The following UBE2L6 variants were observed in gnomAD, a reference collection of about 807,000 sequenced individuals.
UBE2L6 encodes ubiquitin/ISG15-conjugating enzyme E2 L6.
A neutral mutation model predicts 13.6 loss-of-function variants in UBE2L6; 11 were observed. The ratio of observed to expected loss-of-function variants is 0.81; its 90% CI spans 0.51 to 1.34. UBE2L6 has a LOEUF of 1.34. Ranked by LOEUF, UBE2L6 falls within the 40% of genes most tolerant of loss-of-function variation. The probability of loss-of-function intolerance (pLI) is 0.00; values close to 1 mark genes in which losing one functional copy is unlikely to be tolerated. For synonymous variants in UBE2L6, 74 were observed against 83.2 expected (o/e 0.89, Z 0.60); for missense variants, 197 against 199.5 (o/e 0.99, Z 0.07).
At chr11:57,564,848 T>TTATGGTATATACATATACCATAGTGTA in intron 1 of UBE2L6, among the ~76,000 whole-genome samples, 1 of 151,878 alleles carries the variant, frequency 6.6e-6, no homozygotes, top group East Asian at 1.9e-4. Flanking sequence ...AACACTGTAT[T>TTATGGTATATACATATACCATAGTGTA]TATGGTATAT....
chr11:57,562,753 C>G (rs147647058), intron 1 of UBE2L6, among the ~76,000 whole-genome samples: 49 of 152,332 alleles, frequency 3.2e-4, no homozygotes, highest in African/African-American at 1.2e-3. Context: ...TAAAAGTCTG[C>G]AAGAACTACA....
At chr11:57,562,733 T>A (rs1945056764) in intron 1 of UBE2L6, among the ~76,000 whole-genome samples, 1 of 152,228 alleles carries the variant, frequency 6.6e-6, no homozygotes, top group Non-Finnish European at 1.5e-5. Flanking sequence ...ACCACAAAGG[T>A]AGTAACCTCT....
At chr11:57,564,582 C>T (rs759328436) in intron 1 of UBE2L6, among the ~76,000 whole-genome samples, 2 of 152,220 alleles carry the variant, frequency 1.3e-5, no homozygotes, top group Non-Finnish European at 2.9e-5. Context: ...GCCGGTGGAT[C>T]ACCTGAGGTC....
Position 57,552,083 on chromosome 11 carries a change from C to A in UBE2L6, c.*275G>T. 2.5e-6 allele frequency: 1 copy of A among 405,698 alleles called. No homozygotes were observed. The highest frequency in any genetic ancestry group is 4.5e-6 in the Non-Finnish European group (1 of 222,890). 25.1% of individuals were successfully genotyped at this position (405,698 alleles called of 1,614,324 possible). ...TAAGATGGAGAGCTGGAGAACTGGC[C>A]TGTAACTGCAAACTTAAACTCCCTT... On this transcript the variant is annotated 3_prime_UTR_variant, in exon 4 of 4. Transcript: ENST00000287156.
chr11:57,562,182 T>G (rs546078513), intron 1 of UBE2L6, among the ~76,000 whole-genome samples: 60 of 152,306 alleles, frequency 3.9e-4, no homozygotes, highest in African/African-American at 1.3e-3. Flanking sequence ...AGTAGTACCC[T>G]GGCAGTACTC....
rs769504863 is a variant in UBE2L6 at position 57,554,668 on chromosome 11, C to T, written c.124-45G>A. The stretch of plus-strand genomic sequence containing the variant: ...GTCAAGCTCCAGTCTGGTTTTCCTC[C>T]CTTCCTGCCCCAATCCGAGGGTCCT... On this transcript the variant is annotated intron_variant, in intron 2 of 3. Transcript: ENST00000287156. 9 of 1,608,898 alleles carry T rather than the reference C, an allele frequency of 5.6e-6. No homozygotes were observed. In the South Asian group the frequency reaches 9.9e-5, roughly 18 times the overall value.
At chr11:57,559,609 CA>C (rs1248658749) in intron 2 of UBE2L6, among the ~76,000 whole-genome samples, 17 of 141,926 alleles carry the variant, frequency 1.2e-4, no homozygotes, top group Admixed American at 2.8e-4. Context: ...GACTCTGTCT[CA>C]AAAAAAAAAA....
intron 1 of UBE2L6, among the ~76,000 whole-genome samples, chr11:57,561,449 G>A (rs768875737): frequency 3.0e-4 from 46 of 152,294 alleles, no homozygotes; most frequent in Non-Finnish European, 5.3e-4. Flanking sequence ...AAACATGGAT[G>A]TGATTATGTG....
At position 57,567,411 on chromosome 11, in the gene UBE2L6, T is replaced by A. The variant is rs1053816539; in HGVS notation, c.27+174A>T. On this transcript the variant is annotated intron_variant, in intron 1 of 3. Coordinates refer to ENST00000287156, the MANE Select transcript of UBE2L6 (RefSeq NM_004223.5). ...CCCCCAAAACCCCAGCTCTGGCCAC[T>A]CTTGCAGGCCAGTCCTCCTCTGAGT... The A allele has an allele frequency of 3.1e-6, 3 of 954,714 alleles. No individual in the cohort carries two copies. The African/African-American group carries it at 4.9e-5, about 16-fold the overall frequency. 59.1% of individuals were successfully genotyped at this position (954,714 alleles called of 1,614,324 possible).
In UBE2L6 at chr11:57,552,324, C is replaced by A; in HGVS notation, c.*34G>T. On this transcript the variant is annotated 3_prime_UTR_variant, in exon 4 of 4. Transcript: ENST00000287156. The stretch of plus-strand genomic sequence containing the variant: ...CATGAGGTGTGTCCGTCCGCTATGC[C>A]GAGGATCCAGTGCACAGAGGGTCAG... 6.2e-7 allele frequency: 1 copy of A among 1,611,894 alleles called. No homozygotes were observed. Among genetic ancestry groups the A allele is most frequent in the Middle Eastern group, 1.7e-4 (1 of 6,052 alleles).
In UBE2L6 at chr11:57,552,566, GC is replaced by G. The variant is rs550955862; in HGVS notation, c.311-58del. ...GGGCAGAGGGAAGGGAGTCATGGCT[GC>G]CCGTTCCCAATGTCCTGACACTCCA... On this transcript the variant is annotated intron_variant, in intron 3 of 3. Coordinates refer to ENST00000287156, the MANE Select transcript of UBE2L6 (RefSeq NM_004223.5). The G allele has an allele frequency of 2.7e-5, 43 of 1,601,976 alleles. 1 individual carries two copies. The South Asian group carries it at 4.3e-4, about 16-fold the overall frequency.
At chr11:57,560,152 G>A (rs1456589331) in intron 2 of UBE2L6, among the ~76,000 whole-genome samples, 185 bp downstream of exon 2, 2 of 152,206 alleles carry the variant, frequency 1.3e-5, no homozygotes, top group Non-Finnish European at 2.9e-5. Context: ...TTATCAGAAG[G>A]TGAACCTCAG....
At chr11:57,567,061 T>C (rs1222313613) in intron 1 of UBE2L6, 1 of 454,488 alleles carries the variant, frequency 2.2e-6, no homozygotes, top group East Asian at 7.0e-5. Flanking sequence ...TCCGCATCTT[T>C]TCCTCCAGAG....
In UBE2L6 at chr11:57,551,671, G is replaced by A. The variant is rs140822122; in HGVS notation, c.*687C>T. 1,928 of 152,318 alleles carry A rather than the reference G, an allele frequency of 0.013. 17 individuals carry two copies. Among genetic ancestry groups the A allele is most frequent in the Middle Eastern group, 0.027 (8 of 294 alleles). The allele number at this position is 152,318 out of a possible 1,614,324, so 9.4% of individuals were successfully genotyped here. On this transcript the variant is annotated 3_prime_UTR_variant, in exon 4 of 4. Transcript: ENST00000287156. ...CAGCTGCACTCCAGAATTCATCTCT[G>A]ACTTTAATGGCTTAAGCAAGAACAT...
At chr11:57,567,699 C>A (rs541003208), upstream of UBE2L6, 2 of 1,493,506 alleles carry the variant, frequency 1.3e-6, no homozygotes, top group African/African-American at 2.8e-5. Flanking sequence ...CCCCGGGGAC[C>A]CCACCCCCGG....
intron 2 of UBE2L6, among the ~76,000 whole-genome samples, chr11:57,559,023 C>T (rs960563252): frequency 1.3e-5 from 2 of 152,208 alleles, no homozygotes; most frequent in Non-Finnish European, 2.9e-5. Context: ...TAGTACTCTG[C>T]CAAACGAGAC....
intron 1 of UBE2L6, among the ~76,000 whole-genome samples, chr11:57,564,798 C>T (rs1419411553): frequency 1.3e-5 from 2 of 149,388 alleles, no homozygotes; most frequent in Admixed American, 6.7e-5. Context: ...AGCGAAACTC[C>T]GTCTCAAAAA....
chr11:57,564,673 G>A (rs1288120056), intron 1 of UBE2L6, among the ~76,000 whole-genome samples: 1 of 151,820 alleles, frequency 6.6e-6, no homozygotes, highest in Non-Finnish European at 1.5e-5. Context: ...CGTGGTGGCG[G>A]GTGCCTGTAA....
intron 2 of UBE2L6, among the ~76,000 whole-genome samples, chr11:57,558,405 C>T (rs1945013465): frequency 6.6e-6 from 1 of 152,096 alleles, no homozygotes. Context: ...ATTTTGAAAA[C>T]TATTCATTTT....
Sources: gnomAD v4.1 joint callset for allele counts (sites outside exome capture counted in the v4.1 genomes callset) on GRCh38, gnomAD v4.1.1 for gene constraint, MANE v1.5 for transcripts, NCBI Gene and HGNC (gene_info 2026-07-23, HGNC 2026-07-21) for gene names.